Variants in KLHL14 observed in about 807,000 individuals in gnomAD.
The protein encoded by KLHL14 is kelch like family member 14.
A neutral mutation model predicts 64.3 loss-of-function variants in KLHL14; 22 were observed. The ratio of observed to expected loss-of-function variants is 0.34; its 90% CI spans 0.24 to 0.49. The LOEUF is 0.49. KLHL14 is among the 20% of genes least tolerant of loss of function. KLHL14 has a pLI of 0.99. For synonymous variants in KLHL14, 322 were observed against 333.4 expected (o/e 0.97, Z 0.37); for missense variants, 661 against 789.0 (o/e 0.84, Z 1.94).
chr18:32,678,929 A>G (rs2049824341), intron 7 of KLHL14, among the ~76,000 whole-genome samples: 1 of 152,210 alleles, frequency 6.6e-6, no homozygotes, highest in Non-Finnish European at 1.5e-5. Context: ...TTTAGACAAT[A>G]TCTTGTGCAA....
Position 32,698,000 on chromosome 18 carries a change from A to T in KLHL14, c.1070-2448T>A, listed in dbSNP as rs1038822809. 2.6e-5 allele frequency among the ~76,000 whole-genome samples: 4 copies of T among 152,304 alleles called. No individual in the cohort carries two copies. The South Asian group carries it at 8.3e-4, about 32-fold the overall frequency. ...ATTACTGTGAATTGAGAGGCTATAA[A>T]TATACCCAAATGCTCTTTGACATTA... On this transcript the variant is annotated intron_variant, in intron 3 of 8. Transcript: ENST00000359358.
intron 2 of KLHL14, among the ~76,000 whole-genome samples, chr18:32,767,090 A>G (rs2050350016): frequency 1.3e-5 from 2 of 152,230 alleles, no homozygotes; most frequent in African/African-American, 2.4e-5. Context: ...AGTAATAAAT[A>G]CAAGGTCCTT....
intron 3 of KLHL14, among the ~76,000 whole-genome samples, chr18:32,734,884 C>G (rs945653535): frequency 5.3e-5 from 8 of 150,704 alleles, no homozygotes; most frequent in African/African-American, 1.7e-4. Context: ...AGATGTTACT[C>G]TGTGTGTGTG....
Position 32,770,011 on chromosome 18 carries a change from G to C in KLHL14, c.581C>G (p.Ala194Gly). 6.2e-7 allele frequency: 1 copy of C among 1,613,956 alleles called. No individual in the cohort carries two copies. The highest frequency in any genetic ancestry group is 1.1e-5 in the South Asian group (1 of 91,068). The change falls in exon 2 of 9, where the codon GCG becomes GGG. Residue 194 changes from alanine to glycine, a missense_variant. Coordinates refer to ENST00000359358, the MANE Select transcript of KLHL14 (RefSeq NM_020805.3). This position sits in a 1 kb window ranked among gnomAD's most constrained non-coding sequence, Gnocchi z 6.7. ...QNYKQVCKIA[A>G]LHGLEETKKL... is the part of the protein sequence containing the mutation. The stretch of plus-strand genomic sequence containing the variant: ...CTTGGTCTCCTCCAGGCCGTGCAGC[G>C]CGGCGATCTTGCACACCTGCTTGTA...
rs1209880418 is a variant in KLHL14 at position 32,683,832 on chromosome 18, T to C, written c.1239-3233A>G. Among the ~76,000 whole-genome samples the C allele has an allele frequency of 6.6e-6, 1 of 152,230 alleles. No individual in the cohort carries two copies. Among genetic ancestry groups the C allele is most frequent in the Admixed American group, 6.5e-5 (1 of 15,280 alleles). On this transcript the variant is annotated intron_variant, in intron 5 of 8. Transcript: ENST00000359358. This position sits in a 1 kb window ranked among gnomAD's most constrained non-coding sequence, Gnocchi z 4.2. Reference sequence around the variant, plus strand: ...ACTATATCCTTACCCTGCTTGAATTTTTGACTTTTGTCGTTGGATTAAAAA... The same window carrying C: ...ACTATATCCTTACCCTGCTTGAATTCTTGACTTTTGTCGTTGGATTAAAAA...
chr18:32,680,076 T>C lies in KLHL14; in HGVS notation c.1588+93A>G. The C allele has an allele frequency of 2.4e-6, 3 of 1,267,416 alleles. No homozygotes were observed. Among genetic ancestry groups the C allele is most frequent in the Non-Finnish European group, 3.3e-6 (3 of 918,608 alleles). 78.5% of individuals were successfully genotyped at this position (1,267,416 alleles called of 1,614,324 possible). ...TTAGGTCAACATGTTTTTTACTTGG[T>C]TAACTATGATTATCTAAGGAGAAAC... On this transcript the variant is annotated intron_variant, in intron 7 of 8. Coordinates refer to ENST00000359358, the MANE Select transcript of KLHL14 (RefSeq NM_020805.3). The surrounding 1 kb of genome is among the most constrained non-coding windows in gnomAD (Gnocchi z 4.8).
chr18:32,709,839 T>C (rs1199264466), intron 3 of KLHL14, among the ~76,000 whole-genome samples: 2 of 152,220 alleles, frequency 1.3e-5, no homozygotes, highest in Admixed American at 1.3e-4. Flanking sequence ...TAAAGTGATA[T>C]AGAATTGGAG....
chr18:32,697,142 G>A (rs950501045), intron 3 of KLHL14, among the ~76,000 whole-genome samples: 2 of 152,102 alleles, frequency 1.3e-5, no homozygotes, highest in Non-Finnish European at 2.9e-5. Context: ...GTTTATCTCT[G>A]TGAAAAACGC....
rs1006047936 is a variant in KLHL14, at chr18:32,683,204, G to A, written c.1239-2605C>T. On this transcript the variant is annotated intron_variant, in intron 5 of 8. Transcript: ENST00000359358. The surrounding 1 kb of genome is among the most constrained non-coding windows in gnomAD (Gnocchi z 4.2). ...ACCTGCTCTCTTTTCTAGCCAAGGC[G>A]TTCTTCATGCGACACTTCGTGTGTA... is the stretch of plus-strand genomic sequence containing the variant. Among the ~76,000 whole-genome samples, 8 of 152,004 alleles carry A rather than the reference G, an allele frequency of 5.3e-5. No homozygotes were observed. The highest frequency in any genetic ancestry group is 1.9e-4 in the African/African-American group (8 of 41,380).
At chr18:32,737,832 G>A (rs1053513790) in intron 3 of KLHL14, 13 of 152,056 alleles carry the variant, frequency 8.5e-5, no homozygotes, top group African/African-American at 3.1e-4. Flanking sequence ...TCAACAGAAC[G>A]GAAGAGAAAC....
intron 3 of KLHL14, among the ~76,000 whole-genome samples, chr18:32,716,390 T>C (rs1164162027): frequency 6.6e-6 from 1 of 151,766 alleles, no homozygotes; most frequent in Non-Finnish European, 1.5e-5. Context: ...TTAAAATTAT[T>C]ATAAATTGTG....
At chr18:32,726,616 T>G (rs914305203) in intron 3 of KLHL14, among the ~76,000 whole-genome samples, 7 of 151,646 alleles carry the variant, frequency 4.6e-5, no homozygotes, top group Admixed American at 3.9e-4. Flanking sequence ...AGAGCAAGAC[T>G]GTCTCAAGAT....
chr18:32,723,499 C>A (rs2050090235), intron 3 of KLHL14, among the ~76,000 whole-genome samples: 1 of 152,138 alleles, frequency 6.6e-6, no homozygotes, highest in Admixed American at 6.6e-5. Context: ...TGGGTCAGTG[C>A]AAGCTGCCTT....
chr18:32,682,194 A>G (rs2049843002), intron 5 of KLHL14, among the ~76,000 whole-genome samples: 1 of 152,236 alleles, frequency 6.6e-6, no homozygotes, highest in Admixed American at 6.5e-5. Context: ...GATATTTGTT[A>G]TGGATGTTAA....
At chr18:32,702,340 TG>T (rs1215654024) in intron 3 of KLHL14, among the ~76,000 whole-genome samples, 43 of 140,056 alleles carry the variant, frequency 3.1e-4, no homozygotes, top group African/African-American at 3.5e-4. Flanking sequence ...AGAGGTTTTT[TG>T]TTTTTTTTTT....
At chr18:32,762,001 T>C (rs567687200) in intron 2 of KLHL14, among the ~76,000 whole-genome samples, 2 of 152,288 alleles carry the variant, frequency 1.3e-5, no homozygotes, top group African/African-American at 4.8e-5. Context: ...TGAATGCAGT[T>C]ATATGTTTAT....
chr18:32,716,166 T>A (rs1262828131), intron 3 of KLHL14, among the ~76,000 whole-genome samples: 2 of 152,202 alleles, frequency 1.3e-5, no homozygotes, highest in Non-Finnish European at 2.9e-5. Context: ...TAAAATATAG[T>A]CAACTTGTGA....
intron 2 of KLHL14, among the ~76,000 whole-genome samples, chr18:32,752,631 G>C (rs1048208133): frequency 6.6e-6 from 1 of 152,146 alleles, no homozygotes; most frequent in Non-Finnish European, 1.5e-5. Context: ...CCAAACTTCA[G>C]TTATCAGTAC....
chr18:32,754,673 C>T (rs929505483), intron 2 of KLHL14, among the ~76,000 whole-genome samples: 1 of 152,168 alleles, frequency 6.6e-6, no homozygotes, highest in Non-Finnish European at 1.5e-5. Flanking sequence ...GAGGCTCTTT[C>T]GGAGGAACTG....
Sources: allele counts gnomAD v4.1 joint callset (sites outside exome capture counted in the v4.1 genomes callset), GRCh38; gene constraint gnomAD v4.1.1; non-coding constraint Gnocchi (gnomAD v3.1); transcripts MANE v1.5; gene names NCBI Gene and HGNC (gene_info 2026-07-23, HGNC 2026-07-21).